DPP9: variants seen among roughly 807,000 people sequenced by gnomAD.
DPP9 encodes the protein dipeptidyl peptidase 9, also known as dipeptidyl peptidase IV-related protein-2.
In DPP9, 50 loss-of-function variants were observed where a neutral mutation model predicts 110.7. The observed-to-expected ratio is 0.45, with a 90% CI of 0.36 to 0.57. The LOEUF (loss-of-function observed/expected upper bound fraction) is 0.57, where lower values mean the gene tolerates loss of function less well. Among genes scored for constraint, DPP9 ranks in the 20% least tolerant of loss-of-function variants. The pLI is 0.00. For synonymous variants in DPP9, 561 were observed against 514.4 expected (o/e 1.09, Z -1.23); for missense variants, 1,022 against 1,217.9 (o/e 0.84, Z 2.39).
intron 20 of DPP9, among the ~76,000 whole-genome samples, chr19:4,681,938 T>G (rs561819276): frequency 2.7e-4 from 39 of 142,668 alleles, no homozygotes; most frequent in African/African-American, 8.9e-4. Context: ...AAGCTCCGCC[T>G]CCCGGGTTCA....
In DPP9 at chr19:4,690,965, G is replaced by A. The variant is rs2091263257; in HGVS notation, c.1517-8C>T. 1.2e-6 allele frequency: 2 copies of A among 1,609,574 alleles called. No homozygotes were observed. The highest frequency in any genetic ancestry group is 1.7e-6 in the Non-Finnish European group (2 of 1,178,008). On this transcript the variant is annotated splice_polypyrimidine_tract_variant and splice_region_variant and intron_variant, in intron 13 of 21. Transcript: ENST00000262960. ...TGGGGCACTTAAATTCATCTGGAAA[G>A]AAAGAAAGAAGGGAGGTGAAGGGGC...
intron 1 of DPP9, chr19:4,722,798 C>G (rs773393250): frequency 1.2e-4 from 57 of 488,970 alleles, no homozygotes; most frequent in Non-Finnish European, 1.6e-4. Context: ...CTACGGTCCA[C>G]ACCCCCTGGG....
In DPP9 at chr19:4,682,693, T is replaced by A. The variant is rs1331766766; in HGVS notation, c.2474+3A>T. 1 of 1,609,382 alleles carries A rather than the reference T, an allele frequency of 6.2e-7. No homozygotes were observed. The highest frequency in any genetic ancestry group is 8.5e-7 in the Non-Finnish European group (1 of 1,178,270). On this transcript the variant is annotated splice_donor_region_variant and intron_variant, in intron 20 of 21. Transcript: ENST00000262960. The surrounding 1 kb of genome is among the most constrained non-coding windows in gnomAD (Gnocchi z 7.1). Reference sequence around the variant, plus strand: ...GGAGCGCAGGGCAGGGCAGTGGCCTTACTCATTGGGCAGCTTCTCCACGTG... The same window carrying A: ...GGAGCGCAGGGCAGGGCAGTGGCCTAACTCATTGGGCAGCTTCTCCACGTG...
At chr19:4,678,258 G>A (rs955954568) in intron 21 of DPP9, among the ~76,000 whole-genome samples, 4 of 152,210 alleles carry the variant, frequency 2.6e-5, no homozygotes, top group Non-Finnish European at 4.4e-5. Flanking sequence ...GACTACAGGC[G>A]TGTGCCACCA....
At chr19:4,716,540 G>C (rs1454417916) in intron 3 of DPP9, among the ~76,000 whole-genome samples, 2 of 152,126 alleles carry the variant, frequency 1.3e-5, no homozygotes, top group Non-Finnish European at 2.9e-5. Flanking sequence ...GGGAGGCTGA[G>C]GCAGGAGAAT....
chr19:4,677,425 C>A (rs1216956184), intron 21 of DPP9, among the ~76,000 whole-genome samples: 2 of 152,170 alleles, frequency 1.3e-5, no homozygotes, highest in Non-Finnish European at 2.9e-5. Context: ...TCTACGCCAC[C>A]TCCTGCCAGT....
chr19:4,683,202 G>T, intron 19 of DPP9: 1 of 1,427,740 alleles, frequency 7.0e-7, no homozygotes, highest in Non-Finnish European at 9.1e-7. Flanking sequence ...CTGCCCATCC[G>T]AGGCCGGGGT....
intron 21 of DPP9, among the ~76,000 whole-genome samples, chr19:4,677,493 A>G (rs1228585782): frequency 6.6e-6 from 1 of 152,128 alleles, no homozygotes; most frequent in Non-Finnish European, 1.5e-5. Context: ...ACTGTTGCCC[A>G]TCACCCTGGG....
At position 4,700,070 on chromosome 19, in the gene DPP9, G is replaced by A. The variant is rs1332300852; in HGVS notation, c.1074+146C>T. 3.8e-6 allele frequency: 2 copies of A among 532,082 alleles called. No homozygotes were observed. Among genetic ancestry groups the A allele is most frequent in the East Asian group, 6.8e-5 (2 of 29,308 alleles). 33.0% of individuals were successfully genotyped at this position (532,082 alleles called of 1,614,324 possible). A position where few individuals can be genotyped will look rare whatever the true frequency, so the allele number is the denominator to read the frequency against. On this transcript the variant is annotated intron_variant, in intron 10 of 21. Transcript: ENST00000262960. This position sits in a 1 kb window ranked among gnomAD's most constrained non-coding sequence, Gnocchi z 4.3. ...GTCCAGAGACACACAGGGAAGGCCT[G>A]TGGCTAGGCGGACCGGGCGGCAGGG...
At chr19:4,688,588 TG>T (rs2091015945) in intron 16 of DPP9, 168 bp downstream of exon 16, 1 of 864,494 alleles carries the variant, frequency 1.2e-6, no homozygotes, top group Non-Finnish European at 1.6e-6. Flanking sequence ...GCAGGGGCTG[TG>T]GCTTATGTCC....
Position 4,700,368 on chromosome 19 carries a change from C to T in DPP9, c.1013-91G>A, listed in dbSNP as rs1477328238. The stretch of plus-strand genomic sequence containing the variant: ...GGGGGCCTGGGCTGTGGGGTGACGT[C>T]CACAGAGAGGTGTACAATTGGAGTG... On this transcript the variant is annotated intron_variant, in intron 9 of 21. Coordinates refer to ENST00000262960, the MANE Select transcript of DPP9 (RefSeq NM_139159.5). The surrounding 1 kb of genome is among the most constrained non-coding windows in gnomAD (Gnocchi z 4.3). 5 of 1,062,974 alleles carry T rather than the reference C, an allele frequency of 4.7e-6. No homozygotes were observed. The East Asian group carries it at 8.4e-5, about 18-fold the overall frequency. 65.8% of individuals were successfully genotyped at this position (1,062,974 alleles called of 1,614,324 possible).
rs1426080538 is a variant in DPP9 at position 4,695,685 on chromosome 19, G to A, written c.1176-130C>T. ...TGGGCTTCCTGCGCTGGCTTCACCT[G>A]CACTTGGCCAAGTAACCCTGCAGCA... is the stretch of plus-strand genomic sequence containing the variant. On this transcript the variant is annotated intron_variant, in intron 11 of 21. Coordinates refer to ENST00000262960, the MANE Select transcript of DPP9 (RefSeq NM_139159.5). The surrounding 1 kb of genome is among the most constrained non-coding windows in gnomAD (Gnocchi z 4.7). The A allele has an allele frequency of 2.7e-6, 2 of 737,358 alleles. No homozygotes were observed. The highest frequency in any genetic ancestry group is 4.1e-4 in the Middle Eastern group (1 of 2,432). 45.7% of individuals were successfully genotyped at this position (737,358 alleles called of 1,614,324 possible).
Position 4,701,965 on chromosome 19 carries a change from C to A in DPP9, c.1012+62G>T, listed in dbSNP as rs1461764488. 8.9e-6 allele frequency: 14 copies of A among 1,580,654 alleles called. No homozygotes were observed. The African/African-American group carries it at 1.1e-4, about 12-fold the overall frequency. On this transcript the variant is annotated intron_variant, in intron 9 of 21. Coordinates refer to ENST00000262960, the MANE Select transcript of DPP9 (RefSeq NM_139159.5). ...AGGGCCTGGGGGACAGTGCACCTCA[C>A]CAGCCATGCCCCAGGGGCCTCAGAT...
At position 4,713,654 on chromosome 19, in the gene DPP9, T is replaced by C. The variant is rs1165350023; in HGVS notation, c.313+427A>G. 2.6e-5 allele frequency among the ~76,000 whole-genome samples: 4 copies of C among 152,212 alleles called. 1 individual carries two copies. The highest frequency in any genetic ancestry group is 2.0e-4 in the Admixed American group (3 of 15,284). ...CTCCACGGCGAGCTCCTCCTGGAGTTACTCCCGACTCCCTCTGGGAATGGT... is the reference window on the plus strand; with the variant it reads ...CTCCACGGCGAGCTCCTCCTGGAGTCACTCCCGACTCCCTCTGGGAATGGT... On this transcript the variant is annotated intron_variant, in intron 4 of 21. Transcript: ENST00000262960.
chr19:4,688,617 T>C (rs1320571028), intron 16 of DPP9, 140 bp downstream of exon 16: 1 of 1,106,152 alleles, frequency 9.0e-7, no homozygotes, highest in African/African-American at 1.7e-5. Flanking sequence ...AGTTCCCAGA[T>C]GCTTGGAGGG....
Position 4,695,400 on chromosome 19 carries a change from T to C in DPP9, c.1331A>G (p.Glu444Gly). The C allele has an allele frequency of 6.3e-7, 1 of 1,586,500 alleles. No homozygotes were observed. The highest frequency in any genetic ancestry group is 1.8e-5 in the Admixed American group (1 of 56,378). ...RNVQPYVVYE[E>G]VTNVWINVHD... ...TACATTGATCCAGACGTTGGTGACC[T>C]CCTCGTACACCACATACGGCTGGAC... Residue 444 changes from glutamate to glycine, a missense_variant, in exon 12 of 22, where the codon GAG (glutamate) becomes GGG (glycine). Glu to Gly is a moderately conservative substitution (Grantham distance 98). Coordinates refer to ENST00000262960, the MANE Select transcript of DPP9 (RefSeq NM_139159.5). The surrounding 1 kb of genome is among the most constrained non-coding windows in gnomAD (Gnocchi z 4.7).
rs558209771 is a variant in DPP9, at chr19:4,703,905, C to T, written c.750G>A (p.Arg250=). ...CCCCACCTTGGTGGCAGAAGGTCAG[C>T]CGCCGCTCCTCGCCTGTCTCGATGT... ...VANIETGEER[R]LTFCHQGLSN... is the part of the protein sequence containing the mutation. The change falls in exon 7 of 22, where the codon CGG becomes CGA. Residue 250 remains arginine (R), a synonymous_variant. Transcript: ENST00000262960. 17 of 1,606,588 alleles carry T rather than the reference C, an allele frequency of 1.1e-5. No homozygotes were observed. Among genetic ancestry groups the T allele is most frequent in the Non-Finnish European group, 1.4e-5 (16 of 1,176,998 alleles).
chr19:4,689,888 C>T lies in DPP9; in HGVS notation c.1597-166G>A, dbSNP rs2091154419. On this transcript the variant is annotated intron_variant, in intron 14 of 21. Transcript: ENST00000262960. This position sits in a 1 kb window ranked among gnomAD's most constrained non-coding sequence, Gnocchi z 7.0. Reference sequence around the variant, plus strand: ...GGAGATGAACCATCCCTGAGAGATGCGCTTATCTGGCCCCGTGGGCTGGGA... The same window carrying T: ...GGAGATGAACCATCCCTGAGAGATGTGCTTATCTGGCCCCGTGGGCTGGGA... Among the ~76,000 whole-genome samples the T allele has an allele frequency of 6.6e-6, 1 of 152,162 alleles. No homozygotes were observed. The highest frequency in any genetic ancestry group is 1.5e-5 in the Non-Finnish European group (1 of 68,010).
chr19:4,700,067 C>T lies in DPP9; in HGVS notation c.1074+149G>A. The T allele has an allele frequency of 1.9e-6, 1 of 517,802 alleles. No individual in the cohort carries two copies. The highest frequency in any genetic ancestry group is 3.8e-5 in the South Asian group (1 of 26,336). 32.1% of individuals were successfully genotyped at this position (517,802 alleles called of 1,614,324 possible). ...CAGGTCCAGAGACACACAGGGAAGGCCTGTGGCTAGGCGGACCGGGCGGCA... is the reference window on the plus strand; with the variant it reads ...CAGGTCCAGAGACACACAGGGAAGGTCTGTGGCTAGGCGGACCGGGCGGCA... On this transcript the variant is annotated intron_variant, in intron 10 of 21. Transcript: ENST00000262960. The surrounding 1 kb of genome is among the most constrained non-coding windows in gnomAD (Gnocchi z 4.3).
Sources: allele counts gnomAD v4.1 joint callset (sites outside exome capture counted in the v4.1 genomes callset), GRCh38; gene constraint gnomAD v4.1.1; non-coding constraint Gnocchi (gnomAD v3.1); transcripts MANE v1.5; gene names NCBI Gene and HGNC (gene_info 2026-07-23, HGNC 2026-07-21).